The following KIAA0513 variants were observed in gnomAD, a reference collection of about 807,000 sequenced individuals.
The protein encoded by KIAA0513 is KIAA0513.
KIAA0513 carries 39 observed loss-of-function variants against 56.5 expected under a neutral mutation model. The ratio of observed to expected loss-of-function variants is 0.69; its 90% CI spans 0.53 to 0.90. The LOEUF (loss-of-function observed/expected upper bound fraction) is 0.90. KIAA0513 is among the 40% of genes least tolerant of loss of function. The probability of loss-of-function intolerance (pLI) is 0.00; values close to 1 mark genes in which losing one functional copy is unlikely to be tolerated. For synonymous variants in KIAA0513, 268 were observed against 215.6 expected, an observed-to-expected ratio of 1.24 and a Z score of -2.13; for missense variants, 591 against 535.2, an observed-to-expected ratio of 1.10 and a Z score of -1.03.
chr16:85,039,675 G>A (rs1435767784), intron 1 of KIAA0513, among the ~76,000 whole-genome samples: 1 of 152,126 alleles, frequency 6.6e-6, no homozygotes, highest in African/African-American at 2.4e-5. Context: ...GTTTCGCCAT[G>A]TTGGCCAGGC....
chr16:85,075,695 A>T (rs1374520260), intron 4 of KIAA0513, 149 bp from the exon 5 acceptor site: 1 of 673,376 alleles, frequency 1.5e-6, no homozygotes, highest in African/African-American at 1.8e-5. Context: ...AGTTCTCCTA[A>T]TGGAACTTGG....
intron 10 of KIAA0513, among the ~76,000 whole-genome samples, chr16:85,083,341 G>A (rs1463091937): frequency 2.0e-5 from 3 of 152,202 alleles, no homozygotes; most frequent in Admixed American, 2.0e-4. Flanking sequence ...TCTTTTGTTG[G>A]AGGATTCATG....
intron 1 of KIAA0513, among the ~76,000 whole-genome samples, chr16:85,038,720 AAAATAATAATAAT>A (rs1253485394): frequency 1.3e-5 from 2 of 150,242 alleles, no homozygotes; most frequent in Admixed American, 1.3e-4. Flanking sequence ...AAAAAAAAAA[AAAATAATAATAAT>A]AATATCTTTG....
At chr16:85,086,959 T>C in intron 11 of KIAA0513, 113 bp from the exon 12 acceptor site, 1 of 1,047,506 alleles carries the variant, frequency 9.5e-7, no homozygotes, top group Non-Finnish European at 1.4e-6. Context: ...CGTTTTAGTT[T>C]CTGCTGACAA....
chr16:85,060,743 C>T (rs1261426747), intron 1 of KIAA0513, among the ~76,000 whole-genome samples: 4 of 151,724 alleles, frequency 2.6e-5, no homozygotes, highest in South Asian at 2.1e-4. Flanking sequence ...ACTCAGGAGG[C>T]TGAGACAGGA....
chr16:85,077,475 A>G lies in KIAA0513; in HGVS notation c.625A>G (p.Ile209Val). Reference sequence around the variant, plus strand: ...GTCCCGGGAGAAGCCCGCGGGCAGCATCGACTCCTACCTGAAATCCGCAAA... The same window carrying G: ...GTCCCGGGAGAAGCCCGCGGGCAGCGTCGACTCCTACCTGAAATCCGCAAA... ...PESREKPAGSIDSYLKSANSW... is the reference protein window; with the variant it reads ...PESREKPAGSVDSYLKSANSW... The change falls in exon 6 of 13, where the codon ATC (isoleucine) becomes GTC (valine). Residue 209 changes from isoleucine (I) to valine (V), a missense_variant. Coordinates refer to ENST00000683363, the MANE Select transcript of KIAA0513 (RefSeq NM_001388359.1). 1 of 1,614,154 alleles carries G rather than the reference A, an allele frequency of 6.2e-7. No individual in the cohort carries two copies. The highest frequency in any genetic ancestry group is 1.3e-5 in the African/African-American group (1 of 75,062).
At chr16:85,080,170 T>G (rs55743221) in intron 8 of KIAA0513, among the ~76,000 whole-genome samples, 40,682 of 151,896 alleles carry the variant, frequency 0.27, 5,595 homozygotes, top group South Asian at 0.33. Context: ...CCGGTTCCCA[T>G]GGAAGCAGAG....
chr16:85,049,566 T>C (rs947362103), intron 1 of KIAA0513, among the ~76,000 whole-genome samples: 1 of 152,136 alleles, frequency 6.6e-6, no homozygotes, highest in Admixed American at 6.5e-5. Context: ...TCTCATGAGA[T>C]CTGGTTGTTT....
rs2073662879 is a variant in KIAA0513, at chr16:85,076,840, C to G, written c.575-585C>G. Among the ~76,000 whole-genome samples, 1 of 152,204 alleles carries G rather than the reference C, an allele frequency of 6.6e-6. No individual in the cohort carries two copies. The highest frequency in any genetic ancestry group is 1.5e-5 in the Non-Finnish European group (1 of 68,022). On this transcript the variant is annotated intron_variant, in intron 5 of 12. Transcript: ENST00000683363. The surrounding 1 kb of genome is among the most constrained non-coding windows in gnomAD (Gnocchi z 4.7). ...GACACATAATGAATAGACACTGCTTCCTGAGACAGGGCCACCCACAGCAGC... is the reference window on the plus strand; with the variant it reads ...GACACATAATGAATAGACACTGCTTGCTGAGACAGGGCCACCCACAGCAGC...
In KIAA0513 at chr16:85,089,891, CGTG is replaced by C. The variant is rs1567550880; in HGVS notation, c.*1570_*1572del. 6.6e-6 allele frequency: 1 copy of C among 152,164 alleles called. No homozygotes were observed. Among genetic ancestry groups the C allele is most frequent in the Non-Finnish European group, 1.5e-5 (1 of 68,062 alleles). 9.4% of individuals were successfully genotyped at this position (152,164 alleles called of 1,614,324 possible). A position where few individuals can be genotyped will look rare whatever the true frequency, so the allele number is the denominator to read the frequency against. ...TGTGTGTCTGGGGCATTATCTGAAA[CGTG>C]GTGTCATCTGATGCATTTGGACCAT... On this transcript the variant is annotated 3_prime_UTR_variant, in exon 13 of 13. Transcript: ENST00000683363. This position sits in a 1 kb window ranked among gnomAD's most constrained non-coding sequence, Gnocchi z 4.2.
At position 85,072,985 on chromosome 16, in the gene KIAA0513, G is replaced by T; in HGVS notation, c.490G>T (p.Val164Leu). 1 of 1,614,094 alleles carries T rather than the reference G, an allele frequency of 6.2e-7. No individual in the cohort carries two copies. The highest frequency in any genetic ancestry group is 8.5e-7 in the Non-Finnish European group (1 of 1,179,954). The change falls in exon 4 of 13, where the codon GTG (valine) becomes TTG (leucine). Residue 164 changes from valine (V) to leucine (L), a missense_variant. By Grantham distance (32) the Val-to-Leu change is conservative. Coordinates refer to ENST00000683363, the MANE Select transcript of KIAA0513 (RefSeq NM_001388359.1). ...CTACCGCCTGGTGCAGTCTTTTGCA[G>T]TGGTGCTGTTCGAGTAAGTAATGCC... ...TFYRLVQSFA[V>L]VLFECHQMDD... is the part of the protein sequence containing the mutation.
At chr16:85,068,056 C>T (rs1038241958) in intron 2 of KIAA0513, among the ~76,000 whole-genome samples, 3 of 152,150 alleles carry the variant, frequency 2.0e-5, no homozygotes, top group South Asian at 2.1e-4. Flanking sequence ...TGTGATCCAC[C>T]CGCCTCAGCC....
At chr16:85,054,421 C>CTTTTTTTTTTTTTTTTTT (rs398042273) in intron 1 of KIAA0513, among the ~76,000 whole-genome samples, 7 of 119,550 alleles carry the variant, frequency 5.9e-5, no homozygotes, top group Admixed American at 9.0e-5. Context: ...TTTTTCTTTT[C>CTTTTTTTTTTTTTTTTTT]TTTTTTTTTT....
intron 1 of KIAA0513, among the ~76,000 whole-genome samples, chr16:85,053,990 C>CAAAA (rs770896525): frequency 6.2e-5 from 5 of 80,698 alleles, no homozygotes; most frequent in Admixed American, 5.6e-4. Context: ...GACTCTGTCT[C>CAAAA]AAAAAAAAAA....
chr16:85,070,556 T>C (rs983524170), intron 2 of KIAA0513, among the ~76,000 whole-genome samples: 5 of 152,168 alleles, frequency 3.3e-5, no homozygotes, highest in African/African-American at 1.2e-4. Flanking sequence ...CAGGTGCCTG[T>C]AATCCCTGCT....
chr16:85,042,180 G>A (rs1597594650), intron 1 of KIAA0513, among the ~76,000 whole-genome samples: 1 of 152,184 alleles, frequency 6.6e-6, no homozygotes, highest in Admixed American at 6.5e-5. Context: ...TTTTGCGAAA[G>A]CCCAGCATTT....
chr16:85,031,068 G>A (rs932635989), intron 1 of KIAA0513, among the ~76,000 whole-genome samples: 14 of 152,196 alleles, frequency 9.2e-5, no homozygotes, highest in Admixed American at 8.5e-4. Context: ...ATTGGAAACC[G>A]CTACAGTGGT....
In KIAA0513 at chr16:85,091,066, T is replaced by A. The variant is rs2073862730; in HGVS notation, c.*2741T>A. The A allele has an allele frequency of 6.6e-6, 1 of 152,120 alleles. No individual in the cohort carries two copies. The highest frequency in any genetic ancestry group is 2.4e-5 in the African/African-American group (1 of 41,412). 9.4% of individuals were successfully genotyped at this position (152,120 alleles called of 1,614,324 possible). A position where few individuals can be genotyped will look rare whatever the true frequency, so the allele number is the denominator to read the frequency against. ...CTCCGTAAACTCAGGAAGTGTCAGG[T>A]GATTTCCTAGGGAGAGGTTCCCAGT... is the stretch of plus-strand genomic sequence containing the variant. On this transcript the variant is annotated 3_prime_UTR_variant, in exon 13 of 13. Coordinates refer to ENST00000683363, the MANE Select transcript of KIAA0513 (RefSeq NM_001388359.1).
At chr16:85,058,275 C>T (rs777322600) in intron 1 of KIAA0513, among the ~76,000 whole-genome samples, 72 of 152,210 alleles carry the variant, frequency 4.7e-4, no homozygotes, top group Non-Finnish European at 8.8e-4. Flanking sequence ...CTTCTCTTCA[C>T]CTAGTAGCGG....
Sources: allele counts gnomAD v4.1 joint callset (sites outside exome capture counted in the v4.1 genomes callset), GRCh38; gene constraint gnomAD v4.1.1; non-coding constraint Gnocchi (gnomAD v3.1); transcripts MANE v1.5; gene names NCBI Gene and HGNC (gene_info 2026-07-23, HGNC 2026-07-21).